CFAP54: variants seen among roughly 807,000 people sequenced by gnomAD.
The protein encoded by CFAP54 is cilia- and flagella-associated protein 54.
CFAP54 carries 290 observed loss-of-function variants against 370.4 expected under a neutral mutation model. That is an observed-to-expected ratio of 0.78 (90% confidence interval 0.71 to 0.86). The LOEUF (loss-of-function observed/expected upper bound fraction) is 0.86. Among genes scored for constraint, CFAP54 ranks in the 40% least tolerant of loss-of-function variants. CFAP54 has a pLI of 0.00. For synonymous variants in CFAP54, 1,206 were observed against 1,236.5 expected (o/e 0.98, Z 0.52); for missense variants, 3,399 against 3,528.7 (o/e 0.96, Z 0.93).
intron 63 of CFAP54, 68 bp downstream of exon 63, chr12:96,792,567 T>G: frequency 8.0e-7 from 1 of 1,245,994 alleles, no homozygotes. Flanking sequence ...CATTATAACT[T>G]GGAGAGTAGA....
chr12:96,561,042 T>C (rs947362404), intron 17 of CFAP54, among the ~76,000 whole-genome samples: 9 of 152,190 alleles, frequency 5.9e-5, no homozygotes, highest in Middle Eastern at 3.2e-3. Context: ...CTTGCCATCA[T>C]TGTTCTTTGT....
intron 28 of CFAP54, among the ~76,000 whole-genome samples, chr12:96,624,998 C>T (rs998818281): frequency 6.6e-5 from 10 of 151,976 alleles, no homozygotes; most frequent in African/African-American, 2.4e-4. Flanking sequence ...AAATATTTTA[C>T]CAAGAAGCAC....
rs147161349 is a variant in CFAP54 at position 96,689,512 on chromosome 12, G to T, written c.6081+530G>T. Among the ~76,000 whole-genome samples, 12 of 152,278 alleles carry T rather than the reference G, an allele frequency of 7.9e-5. No individual in the cohort carries two copies. In the East Asian group the frequency reaches 2.3e-3, roughly 29 times the overall value. ...TTTCTCCTTTACACTGCAGAAGAAGGAGTTTTACAGATGGGGAAACTGAGT... is the reference window on the plus strand; with the variant it reads ...TTTCTCCTTTACACTGCAGAAGAAGTAGTTTTACAGATGGGGAAACTGAGT... On this transcript the variant is annotated intron_variant, in intron 43 of 67. Transcript: ENST00000524981.
In CFAP54 at chr12:96,535,692, G is replaced by C. The variant is rs1010244402; in HGVS notation, c.1791+92G>C. On this transcript the variant is annotated intron_variant, in intron 12 of 67. Coordinates refer to ENST00000524981, the MANE Select transcript of CFAP54 (RefSeq NM_001306084.2). ...GAATTTAAAATATCACAGGAATTACGCCTTGCTAAAATTTTATTTTGTTTA... is the reference window on the plus strand; with the variant it reads ...GAATTTAAAATATCACAGGAATTACCCCTTGCTAAAATTTTATTTTGTTTA... The C allele has an allele frequency of 1.1e-5, 8 of 749,042 alleles. No homozygotes were observed. In the East Asian group the frequency reaches 1.9e-4, roughly 18 times the overall value. 46.4% of individuals were successfully genotyped at this position (749,042 alleles called of 1,614,324 possible).
At position 96,580,684 on chromosome 12, in the gene CFAP54, G is replaced by T; in HGVS notation, c.2884G>T (p.Glu962Ter). The change falls in exon 21 of 68, where the codon GAA becomes TAA. Residue 962 changes from glutamate (E) to a stop codon, truncating the protein, a stop_gained. Coordinates refer to ENST00000524981, the MANE Select transcript of CFAP54 (RefSeq NM_001306084.2). LOFTEE classifies it high-confidence loss of function. ...LNNNHLPNSGEAIPADGKSVF... is the reference protein window; with the variant it reads ...LNNNHLPNSG ...CAATAATCATCTCCCAAATTCAGGA[G>T]AAGCGGTACGTCAAATTAAACATCA... 1.3e-6 allele frequency: 2 copies of T among 1,505,482 alleles called. No individual in the cohort carries two copies. Among genetic ancestry groups the T allele is most frequent in the Non-Finnish European group, 1.8e-6 (2 of 1,124,824 alleles). 93.3% of individuals were successfully genotyped at this position (1,505,482 alleles called of 1,614,324 possible). A position where few individuals can be genotyped will look rare whatever the true frequency, so the allele number is the denominator to read the frequency against.
intron 62 of CFAP54, among the ~76,000 whole-genome samples, chr12:96,791,224 G>A (rs1403511189): frequency 7.5e-6 from 1 of 133,116 alleles, no homozygotes; most frequent in East Asian, 2.2e-4. Context: ...TCACTCTGTT[G>A]CCCAGGCTGC....
chr12:96,679,900 A>C, intron 40 of CFAP54, 148 bp downstream of exon 40: 1 of 760,084 alleles, frequency 1.3e-6, no homozygotes, highest in Middle Eastern at 2.4e-4. Flanking sequence ...CAGTGGATCT[A>C]TTCTGTGTCT....
intron 50 of CFAP54, among the ~76,000 whole-genome samples, chr12:96,726,921 A>G (rs1957847920): frequency 1.3e-5 from 2 of 152,080 alleles, no homozygotes; most frequent in African/African-American, 4.8e-5. Context: ...TTCTGCCTTC[A>G]TTTCGTTATG....
chr12:96,722,754 T>C (rs991917886), intron 50 of CFAP54, among the ~76,000 whole-genome samples: 23 of 152,202 alleles, frequency 1.5e-4, no homozygotes, highest in Non-Finnish European at 3.4e-4. Context: ...TGGTGTTTCT[T>C]ACCAGTGTGA....
At chr12:96,731,683 C>G (rs1304533629) in intron 50 of CFAP54, among the ~76,000 whole-genome samples, 1 of 152,010 alleles carries the variant, frequency 6.6e-6, no homozygotes, top group Non-Finnish European at 1.5e-5. Context: ...AAAAACATGA[C>G]TTTTAAAAAT....
At chr12:96,778,035 T>C (rs1473864729) in intron 60 of CFAP54, among the ~76,000 whole-genome samples, 1 of 152,172 alleles carries the variant, frequency 6.6e-6, no homozygotes, top group Non-Finnish European at 1.5e-5. Flanking sequence ...CAAAAGGTAA[T>C]CTAGGCATGC....
Position 96,757,554 on chromosome 12 carries a change from A to T in CFAP54, c.8006A>T (p.Lys2669Met). Reference sequence around the variant, plus strand: ...TTGTATTTTCATCTGAAGAAGCCAAAGATAAAAATTTCAGGATCACCATTA... The same window carrying T: ...TTGTATTTTCATCTGAAGAAGCCAATGATAAAAATTTCAGGATCACCATTA... ...ALLYFHLKKP[K>M]IKISGSPLTL... is the part of the protein sequence containing the mutation. The change falls in exon 58 of 68, where the codon AAG becomes ATG. Residue 2669 changes from lysine to methionine, a missense_variant. By Grantham distance (95) the Lys-to-Met change is moderately conservative. This residue lies in a region of CFAP54 where 2,796 missense variants were observed against 2,869.7 expected (regional missense o/e 0.97). Coordinates refer to ENST00000524981, the MANE Select transcript of CFAP54 (RefSeq NM_001306084.2). The T allele has an allele frequency of 6.3e-7, 1 of 1,598,588 alleles. No homozygotes were observed. Among genetic ancestry groups the T allele is most frequent in the African/African-American group, 1.3e-5 (1 of 74,844 alleles).
intron 60 of CFAP54, among the ~76,000 whole-genome samples, chr12:96,784,075 T>C (rs943605964): frequency 1.3e-5 from 2 of 152,228 alleles, no homozygotes; most frequent in African/African-American, 2.4e-5. Context: ...ATTAGACTCC[T>C]GTTTATATTT....
chr12:96,773,183 A>C (rs111335870), intron 60 of CFAP54, among the ~76,000 whole-genome samples: 5 of 152,360 alleles, frequency 3.3e-5, no homozygotes, highest in South Asian at 4.1e-4. Flanking sequence ...CTGTGTCCAG[A>C]AATGACTAAG....
At chr12:96,837,852 G>C (rs1443421721) in intron 66 of CFAP54, among the ~76,000 whole-genome samples, 2 of 152,172 alleles carry the variant, frequency 1.3e-5, no homozygotes, top group African/African-American at 4.8e-5. Flanking sequence ...CAGATTAGTG[G>C]GGGAGACAGA....
intron 60 of CFAP54, among the ~76,000 whole-genome samples, chr12:96,772,910 T>G (rs977840237): frequency 6.6e-6 from 1 of 152,138 alleles, no homozygotes; most frequent in Non-Finnish European, 1.5e-5. Context: ...ATGCCTGGAC[T>G]GGTCTGCAAT....
chr12:96,838,294 GAA>G (rs1959192826), intron 66 of CFAP54, among the ~76,000 whole-genome samples: 1 of 151,268 alleles, frequency 6.6e-6, no homozygotes, highest in South Asian at 2.1e-4. Flanking sequence ...AAGTAAGAGA[GAA>G]GTTAGAAAAA....
chr12:96,679,017 C>A (rs1163469026), intron 39 of CFAP54, among the ~76,000 whole-genome samples: 1 of 152,156 alleles, frequency 6.6e-6, no homozygotes, highest in Non-Finnish European at 1.5e-5. Flanking sequence ...AAGTCCCAGG[C>A]CCTCACTCAC....
At chr12:96,855,654 G>A (rs976316550) in intron 66 of CFAP54, among the ~76,000 whole-genome samples, 3 of 152,244 alleles carry the variant, frequency 2.0e-5, no homozygotes, top group Non-Finnish European at 4.4e-5. Flanking sequence ...GCTGATGCAA[G>A]AGGTGGGCCC....
Sources: gnomAD v4.1 joint callset for allele counts (sites outside exome capture counted in the v4.1 genomes callset) on GRCh38, gnomAD v4.1.1 for gene constraint, gnomAD v4.1.1 regional missense constraint, MANE v1.5 for transcripts, NCBI Gene and HGNC (gene_info 2026-07-23, HGNC 2026-07-21) for gene names.